The following CSMD1 variants were observed in gnomAD, a reference collection of about 807,000 sequenced individuals.
CSMD1 encodes CUB and sushi domain-containing protein 1.
A neutral mutation model predicts 417.5 loss-of-function variants in CSMD1; 213 were observed. The ratio of observed to expected loss-of-function variants is 0.51; its 90% CI spans 0.46 to 0.57. CSMD1 has a LOEUF of 0.57. CSMD1 is among the 20% of genes least tolerant of loss of function. CSMD1 has a pLI of 0.00. For missense variants in CSMD1, 6,923 were observed against 4,529.7 expected (o/e 1.53, Z -15.17); for synonymous variants, 2,862 against 1,736.8 (o/e 1.65, Z -16.11).
intron 5 of CSMD1, among the ~76,000 whole-genome samples, chr8:3,962,272 G>C (rs899366068): frequency 6.6e-6 from 1 of 151,940 alleles, no homozygotes; most frequent in East Asian, 2.0e-4. Context: ...AGGTTCTTCT[G>C]TCCTGGAACT....
At chr8:3,694,466 G>A (rs960020625) in intron 7 of CSMD1, among the ~76,000 whole-genome samples, 1 of 152,082 alleles carries the variant, frequency 6.6e-6, no homozygotes, top group East Asian at 1.9e-4. Context: ...TGGGAAAGAC[G>A]GCCAGGCCGA....
chr8:4,368,304 T>C (rs1459201458), intron 3 of CSMD1, among the ~76,000 whole-genome samples: 2 of 152,196 alleles, frequency 1.3e-5, no homozygotes, highest in Non-Finnish European at 2.9e-5. Flanking sequence ...GATATGTGTA[T>C]GTTAAACCAA....
chr8:3,729,220 T>G (rs1802674472), intron 6 of CSMD1, among the ~76,000 whole-genome samples: 1 of 151,982 alleles, frequency 6.6e-6, no homozygotes, highest in African/African-American at 2.4e-5. Flanking sequence ...AGACCTCAGG[T>G]CAGGCACACT....
At chr8:4,181,481 C>G (rs553124165) in intron 3 of CSMD1, among the ~76,000 whole-genome samples, 94 of 151,956 alleles carry the variant, frequency 6.2e-4, no homozygotes, top group Middle Eastern at 3.4e-3. Context: ...CTAACACTAA[C>G]GATAACTGAT....
chr8:3,129,962 C>A (rs1405851517), intron 41 of CSMD1, among the ~76,000 whole-genome samples: 3 of 151,794 alleles, frequency 2.0e-5, no homozygotes, highest in Non-Finnish European at 2.9e-5. Context: ...GCCTAAATAA[C>A]AGAGTGAGAC....
chr8:3,284,092 C>G (rs541865472), intron 26 of CSMD1, 52 bp downstream of exon 26: 2 of 1,359,312 alleles, frequency 1.5e-6, no homozygotes, highest in African/African-American at 1.4e-5. Flanking sequence ...GATCTGTGTT[C>G]ATGACAAGAC....
At chr8:3,256,792 T>C (rs2117064519) in intron 26 of CSMD1, among the ~76,000 whole-genome samples, 1 of 152,336 alleles carries the variant, frequency 6.6e-6, no homozygotes, top group South Asian at 2.1e-4. Context: ...ACCAAAGGCA[T>C]CTTTTCTTGT....
chr8:4,946,474 G>A (rs1808375400), intron 1 of CSMD1, among the ~76,000 whole-genome samples: 1 of 152,050 alleles, frequency 6.6e-6, no homozygotes, highest in South Asian at 2.1e-4. Context: ...GACCCTCTAT[G>A]GAGACTACCC....
chr8:4,736,652 T>C (rs1237458107), intron 1 of CSMD1, among the ~76,000 whole-genome samples: 1 of 152,270 alleles, frequency 6.6e-6, no homozygotes, highest in African/African-American at 2.4e-5. Context: ...TCAAAAGGAA[T>C]GATTTTTATG....
Position 3,189,031 on chromosome 8 carries a change from G to A in CSMD1, c.5399-20C>T, listed in dbSNP as rs370068731. The A allele has an allele frequency of 3.1e-6, 5 of 1,603,548 alleles. No individual in the cohort carries two copies. The South Asian group carries it at 4.5e-5, about 14-fold the overall frequency. On this transcript the variant is annotated intron_variant, in intron 34 of 69. Coordinates refer to ENST00000635120, the MANE Select transcript of CSMD1 (RefSeq NM_033225.6). Reference sequence around the variant, plus strand: ...AGGGTACTAAAAGACACAACCATATGTCATGAAATAAAGTGCTGTGGGACA... The same window carrying A: ...AGGGTACTAAAAGACACAACCATATATCATGAAATAAAGTGCTGTGGGACA...
At chr8:4,397,998 C>G (rs73177359) in intron 3 of CSMD1, among the ~76,000 whole-genome samples, 2 of 152,186 alleles carry the variant, frequency 1.3e-5, no homozygotes, top group East Asian at 1.9e-4. Flanking sequence ...TTTTAAATAC[C>G]TTTGTCTAGG....
At chr8:4,952,906 T>C (rs1808847929) in intron 1 of CSMD1, among the ~76,000 whole-genome samples, 1 of 152,158 alleles carries the variant, frequency 6.6e-6, no homozygotes, top group Non-Finnish European at 1.5e-5. Context: ...ATGAAATCTA[T>C]ACTGAACTGA....
At chr8:3,764,642 G>C (rs914748684) in intron 5 of CSMD1, among the ~76,000 whole-genome samples, 2 of 151,990 alleles carry the variant, frequency 1.3e-5, no homozygotes, top group Admixed American at 1.3e-4. Flanking sequence ...CTTACCATGT[G>C]TCTGGCTAGA....
intron 11 of CSMD1, among the ~76,000 whole-genome samples, chr8:3,490,789 C>T (rs1158631002): frequency 3.3e-5 from 5 of 152,032 alleles, no homozygotes; most frequent in South Asian, 2.1e-4. Flanking sequence ...GCAGTGTGTG[C>T]GACGATCGCC....
chr8:4,474,034 T>C (rs776656744), intron 2 of CSMD1, among the ~76,000 whole-genome samples: 1 of 152,194 alleles, frequency 6.6e-6, no homozygotes, highest in Non-Finnish European at 1.5e-5. Flanking sequence ...TAAGAGATAC[T>C]ATCAAAGAAA....
intron 7 of CSMD1, among the ~76,000 whole-genome samples, chr8:3,677,543 C>T (rs945990515): frequency 1.3e-5 from 2 of 152,102 alleles, no homozygotes; most frequent in Non-Finnish European, 1.5e-5. Context: ...CTGGGCTCAG[C>T]GAGAGGCACC....
intron 2 of CSMD1, among the ~76,000 whole-genome samples, chr8:4,433,711 T>C (rs1189537777): frequency 6.6e-6 from 1 of 152,188 alleles, no homozygotes; most frequent in Non-Finnish European, 1.5e-5. Context: ...TATATAAAAT[T>C]CCCATCTTTT....
chr8:4,422,956 A>C (rs1797333255), intron 2 of CSMD1, among the ~76,000 whole-genome samples: 1 of 151,994 alleles, frequency 6.6e-6, no homozygotes, highest in African/African-American at 2.4e-5. Context: ...ATGTAGAAAA[A>C]AACATTTGAC....
chr8:3,108,894 G>GTT (rs1170960408), intron 43 of CSMD1, 146 bp from the exon 44 acceptor site: 2 of 808,150 alleles, frequency 2.5e-6, no homozygotes, highest in Admixed American at 2.9e-5. Context: ...ACATCAAGAT[G>GTT]TTGAATGTCC....
Sources: allele counts gnomAD v4.1 joint callset (sites outside exome capture counted in the v4.1 genomes callset), GRCh38; gene constraint gnomAD v4.1.1; transcripts MANE v1.5; gene names NCBI Gene and HGNC (gene_info 2026-07-23, HGNC 2026-07-21).